The following ADORA1 variants were observed in gnomAD, a reference collection of about 807,000 sequenced individuals.
ADORA1 encodes adenosine receptor A1.
ADORA1 carries 6 observed loss-of-function variants against 19.9 expected under a neutral mutation model. The ratio of observed to expected loss-of-function variants is 0.30; its 90% CI spans 0.17 to 0.59. The LOEUF (loss-of-function observed/expected upper bound fraction) is 0.59, where lower values mean the gene tolerates loss of function less well. Ranked by LOEUF, ADORA1 falls within the 20% of genes least tolerant of loss-of-function variation. The pLI, the probability that ADORA1 is intolerant of heterozygous loss-of-function variation, is 0.87. For missense variants in ADORA1, 302 were observed against 439.2 expected (o/e 0.69, Z 2.79); for synonymous variants, 194 against 188.4 (o/e 1.03, Z -0.24).
intron 3 of ADORA1, among the ~76,000 whole-genome samples, chr1:203,160,302 T>A (rs1296998788): frequency 6.6e-6 from 1 of 152,216 alleles, no homozygotes; most frequent in African/African-American, 2.4e-5. Context: ...TTTTTTCAGA[T>A]TTTGGAATAT....
At chr1:203,157,822 G>A (rs1399100220) in intron 3 of ADORA1, among the ~76,000 whole-genome samples, 1 of 152,244 alleles carries the variant, frequency 6.6e-6, no homozygotes, top group Non-Finnish European at 1.5e-5. Context: ...GGGCTGCCAA[G>A]GAGCAGAGTC....
At chr1:203,143,391 C>T (rs1013124949) in intron 3 of ADORA1, among the ~76,000 whole-genome samples, 39 of 152,222 alleles carry the variant, frequency 2.6e-4, no homozygotes, top group Non-Finnish European at 5.9e-5. Context: ...CTCCAAATGC[C>T]ATCAGCATAA....
At chr1:203,145,762 T>G (rs537964717) in intron 3 of ADORA1, among the ~76,000 whole-genome samples, 1 of 152,360 alleles carries the variant, frequency 6.6e-6, no homozygotes, top group African/African-American at 2.4e-5. Flanking sequence ...CAGGGGCTCA[T>G]TCCTCTTTTC....
intron 3 of ADORA1, among the ~76,000 whole-genome samples, chr1:203,136,024 G>T (rs1456301288): frequency 6.6e-6 from 1 of 152,162 alleles, no homozygotes; most frequent in Non-Finnish European, 1.5e-5. Context: ...AGTGTCCCTG[G>T]GAGAGGACTT....
At chr1:203,149,698 G>C (rs566268490) in intron 3 of ADORA1, among the ~76,000 whole-genome samples, 2 of 152,152 alleles carry the variant, frequency 1.3e-5, no homozygotes, top group Non-Finnish European at 2.9e-5. Context: ...ACTGTTGGGA[G>C]CAGAGCTCTG....
chr1:203,166,066 G>T lies in ADORA1; in HGVS notation c.*166G>T. On this transcript the variant is annotated 3_prime_UTR_variant, in exon 4 of 4. Coordinates refer to ENST00000337894, the MANE Select transcript of ADORA1 (RefSeq NM_000674.3). ...CCACAGAGTGTGGTCCCTCCACTAG[G>T]AGTTAACTACCCTACACCTCTGGGC... 2 of 917,184 alleles carry T rather than the reference G, an allele frequency of 2.2e-6. No individual in the cohort carries two copies. The highest frequency in any genetic ancestry group is 2.6e-5 in the South Asian group (1 of 38,992). 56.8% of individuals were successfully genotyped at this position (917,184 alleles called of 1,614,324 possible).
chr1:203,163,259 C>T (rs1212088706), intron 3 of ADORA1, among the ~76,000 whole-genome samples: 1 of 152,198 alleles, frequency 6.6e-6, no homozygotes, highest in Admixed American at 6.5e-5. Flanking sequence ...TTACAGAGTA[C>T]TTGCACACGT....
chr1:203,131,620 C>G (rs1011606879), intron 3 of ADORA1, among the ~76,000 whole-genome samples: 1 of 152,216 alleles, frequency 6.6e-6, no homozygotes, highest in African/African-American at 2.4e-5. Context: ...CCTTGACAGC[C>G]ACACACCAGC....
At chr1:203,143,303 A>C (rs1276389624) in intron 3 of ADORA1, among the ~76,000 whole-genome samples, 1 of 152,206 alleles carries the variant, frequency 6.6e-6, no homozygotes, top group Non-Finnish European at 1.5e-5. Context: ...TCCTCTTCTT[A>C]TAAAGCCACC....
intron 3 of ADORA1, among the ~76,000 whole-genome samples, chr1:203,154,530 A>T (rs1571804188): frequency 6.6e-6 from 1 of 152,186 alleles, no homozygotes. Context: ...GTGATCCCGG[A>T]GCCCAGGGGC....
chr1:203,142,624 A>C (rs190350245), intron 3 of ADORA1, among the ~76,000 whole-genome samples: 1 of 152,348 alleles, frequency 6.6e-6, no homozygotes, highest in East Asian at 1.9e-4. Flanking sequence ...ACAGCAAGTT[A>C]GGGTGTGAGT....
At chr1:203,159,690 G>A (rs932681788) in intron 3 of ADORA1, among the ~76,000 whole-genome samples, 2 of 152,210 alleles carry the variant, frequency 1.3e-5, no homozygotes, top group African/African-American at 4.8e-5. Flanking sequence ...TTCTCTGTCT[G>A]CAGAATGATA....
intron 3 of ADORA1, among the ~76,000 whole-genome samples, chr1:203,139,346 G>A (rs925212617): frequency 6.6e-6 from 1 of 152,198 alleles, no homozygotes; most frequent in African/African-American, 2.4e-5. Flanking sequence ...GGTAGGTGAA[G>A]CTCTCTCCTG....
chr1:203,153,124 C>G (rs1228354100), intron 3 of ADORA1, among the ~76,000 whole-genome samples: 1 of 152,096 alleles, frequency 6.6e-6, no homozygotes, highest in Non-Finnish European at 1.5e-5. Context: ...TCTGCAGGCA[C>G]ACAGGTCTGG....
intron 3 of ADORA1, among the ~76,000 whole-genome samples, chr1:203,154,031 A>G (rs529222336): frequency 6.6e-6 from 1 of 152,238 alleles, no homozygotes; most frequent in South Asian, 2.1e-4. Context: ...GATGGTGGAA[A>G]GACGTGGACC....
At chr1:203,129,399 C>A in intron 3 of ADORA1, 1 of 644,706 alleles carries the variant, frequency 1.6e-6, no homozygotes, top group Non-Finnish European at 1.9e-6. Flanking sequence ...TGTGAACTTA[C>A]CAGTGCCCAT....
intron 3 of ADORA1, among the ~76,000 whole-genome samples, chr1:203,154,497 CAGA>C (rs1485840438): frequency 6.6e-6 from 1 of 152,120 alleles, no homozygotes; most frequent in Non-Finnish European, 1.5e-5. Context: ...TACCCCAAGG[CAGA>C]AGGACAAAGT....
intron 3 of ADORA1, among the ~76,000 whole-genome samples, chr1:203,159,700 AT>A (rs1243014535): frequency 6.6e-6 from 1 of 152,094 alleles, no homozygotes; most frequent in African/African-American, 2.4e-5. Flanking sequence ...GCAGAATGAT[AT>A]TTTCATGAGT....
rs1198703508 is a variant in ADORA1 at position 203,129,199 on chromosome 1, G to A, written c.341+17G>A. The stretch of plus-strand genomic sequence containing the variant: ...CCCTCTCCGGTGAGTCCACAGCGCC[G>A]AAGGTACTCGCAGCACCACATGATG... On this transcript the variant is annotated intron_variant, in intron 3 of 3. Coordinates refer to ENST00000337894, the MANE Select transcript of ADORA1 (RefSeq NM_000674.3). 5.0e-6 allele frequency: 8 copies of A among 1,593,258 alleles called. No individual in the cohort carries two copies. The highest frequency in any genetic ancestry group is 6.8e-6 in the Non-Finnish European group (8 of 1,168,136).
Sources: gnomAD v4.1 joint callset for allele counts (sites outside exome capture counted in the v4.1 genomes callset) on GRCh38, gnomAD v4.1.1 for gene constraint, MANE v1.5 for transcripts, NCBI Gene and HGNC (gene_info 2026-07-23, HGNC 2026-07-21) for gene names.